SCFD2: variants seen among roughly 807,000 people sequenced by gnomAD.
SCFD2 encodes the protein sec1 family domain-containing protein 2.
SCFD2 carries 54 observed loss-of-function variants against 58.9 expected under a neutral mutation model. The ratio of observed to expected loss-of-function variants is 0.92; its 90% CI spans 0.74 to 1.15. The LOEUF is 1.15. SCFD2 is among the 50% of genes most tolerant of loss of function. The pLI is 0.00. For missense variants in SCFD2, 805 were observed against 836.6 expected (o/e 0.96, Z 0.47); for synonymous variants, 321 against 335.9 (o/e 0.96, Z 0.49).
At chr4:53,128,811 G>A (rs1381826329) in intron 5 of SCFD2, among the ~76,000 whole-genome samples, 1 of 152,140 alleles carries the variant, frequency 6.6e-6, no homozygotes, top group Admixed American at 6.6e-5. Context: ...GTGGTGCACT[G>A]TTTCTATGAT....
At chr4:53,080,732 T>C (rs1490340214) in intron 5 of SCFD2, among the ~76,000 whole-genome samples, 1 of 152,140 alleles carries the variant, frequency 6.6e-6, no homozygotes, top group Non-Finnish European at 1.5e-5. Context: ...AATTAGGAGA[T>C]ATGTCAACAA....
At chr4:53,134,048 T>C (rs1725867247) in intron 5 of SCFD2, among the ~76,000 whole-genome samples, 1 of 152,210 alleles carries the variant, frequency 6.6e-6, no homozygotes, top group Non-Finnish European at 1.5e-5. Flanking sequence ...TGGATGAACC[T>C]TGAGGACATT....
chr4:53,362,120 AG>A (rs1231026125), intron 1 of SCFD2, among the ~76,000 whole-genome samples: 2 of 152,144 alleles, frequency 1.3e-5, no homozygotes, highest in Non-Finnish European at 2.9e-5. Flanking sequence ...AAGCCAGGTA[AG>A]GGTAAGAGAG....
intron 4 of SCFD2, among the ~76,000 whole-genome samples, chr4:53,229,804 CA>C: frequency 6.6e-6 from 1 of 152,118 alleles, no homozygotes; most frequent in East Asian, 1.9e-4. Flanking sequence ...TTCTGCGCAG[CA>C]AAAGAAACTA....
chr4:53,079,880 T>C (rs1245230414), intron 5 of SCFD2, among the ~76,000 whole-genome samples: 3 of 152,208 alleles, frequency 2.0e-5, no homozygotes, highest in African/African-American at 7.2e-5. Context: ...ATATGGCATA[T>C]ACAGATACAT....
chr4:53,142,769 G>A (rs1469055066), intron 5 of SCFD2, among the ~76,000 whole-genome samples: 1 of 152,144 alleles, frequency 6.6e-6, no homozygotes, highest in Non-Finnish European at 1.5e-5. Flanking sequence ...AACATACTTA[G>A]TAAGAGGTAT....
At chr4:53,030,472 G>C (rs899746746) in intron 5 of SCFD2, among the ~76,000 whole-genome samples, 1 of 151,976 alleles carries the variant, frequency 6.6e-6, no homozygotes, top group East Asian at 1.9e-4. Context: ...ACCCAGGCTG[G>C]AGTGCAGTGG....
In SCFD2 at chr4:53,106,383, C is replaced by T. The variant is rs113643932; in HGVS notation, c.1561+38950G>A. ...GACGGAGTATGAGTTTGACGAATTG[C>T]CAGAAGTAGGCTTCAGAAGGTGGGT... On this transcript the variant is annotated intron_variant, in intron 5 of 8. Transcript: ENST00000401642. Among the ~76,000 whole-genome samples, 476 of 152,142 alleles carry T rather than the reference C, an allele frequency of 3.1e-3. 1 individual carries two copies. The highest frequency in any genetic ancestry group is 0.011 in the African/African-American group (442 of 41,506).
intron 5 of SCFD2, among the ~76,000 whole-genome samples, chr4:53,063,437 C>A (rs1420135889): frequency 6.6e-6 from 1 of 152,044 alleles, no homozygotes; most frequent in African/African-American, 2.4e-5. Flanking sequence ...TAATAATTCC[C>A]ATTTTAAAAG....
intron 4 of SCFD2, among the ~76,000 whole-genome samples, chr4:53,266,110 G>A (rs982380163): frequency 1.3e-5 from 2 of 152,010 alleles, no homozygotes; most frequent in African/African-American, 4.8e-5. Context: ...CAGAAAAAGT[G>A]GGCTTTAAAT....
At chr4:53,275,026 G>A (rs1731285149) in intron 3 of SCFD2, among the ~76,000 whole-genome samples, 1 of 152,170 alleles carries the variant, frequency 6.6e-6, no homozygotes, top group Admixed American at 6.6e-5. Flanking sequence ...ATTTGGCAAT[G>A]AAACCACCTG....
At chr4:53,122,792 G>C (rs143377842) in intron 5 of SCFD2, among the ~76,000 whole-genome samples, 1 of 152,100 alleles carries the variant, frequency 6.6e-6, no homozygotes, top group African/African-American at 2.4e-5. Context: ...GGGAAAGTAC[G>C]CAAGGCATTT....
At chr4:53,328,009 C>A (rs1045527747) in intron 2 of SCFD2, among the ~76,000 whole-genome samples, 5 of 152,014 alleles carry the variant, frequency 3.3e-5, no homozygotes, top group African/African-American at 1.2e-4. Context: ...GTGGCATGTG[C>A]CTGTAGTCCC....
intron 3 of SCFD2, among the ~76,000 whole-genome samples, chr4:53,298,055 G>A (rs1178588535): frequency 6.6e-6 from 1 of 152,154 alleles, no homozygotes; most frequent in Non-Finnish European, 1.5e-5. Flanking sequence ...ATTTCCAACT[G>A]AGGTACCGGG....
chr4:53,326,589 G>A (rs1199141499), intron 2 of SCFD2, among the ~76,000 whole-genome samples: 1 of 151,898 alleles, frequency 6.6e-6, no homozygotes, highest in Non-Finnish European at 1.5e-5. Flanking sequence ...CAGAAATAAG[G>A]CAAGGAGAGT....
intron 7 of SCFD2, among the ~76,000 whole-genome samples, chr4:52,905,933 G>A (rs1342949817): frequency 6.6e-6 from 1 of 152,150 alleles, no homozygotes; most frequent in Non-Finnish European, 1.5e-5. Flanking sequence ...ATTCTCCTCA[G>A]GAAGGATTGT....
chr4:53,034,214 C>A (rs975402961), intron 5 of SCFD2, among the ~76,000 whole-genome samples: 13 of 151,888 alleles, frequency 8.6e-5, no homozygotes, highest in Admixed American at 2.6e-4. Flanking sequence ...ACCAATCACA[C>A]AATCACTATA....
intron 5 of SCFD2, among the ~76,000 whole-genome samples, chr4:52,997,370 TA>T (rs1721763898): frequency 1.3e-5 from 2 of 152,254 alleles, no homozygotes; most frequent in African/African-American, 4.8e-5. Context: ...GCCCTGGTGT[TA>T]GGGGCAACTG....
At chr4:53,261,349 C>T (rs1272889310) in intron 4 of SCFD2, among the ~76,000 whole-genome samples, 3 of 152,056 alleles carry the variant, frequency 2.0e-5, no homozygotes, top group Non-Finnish European at 4.4e-5. Context: ...CTCTTTCAGA[C>T]TTTTTGATGT....
Sources: allele counts gnomAD v4.1 joint callset (sites outside exome capture counted in the v4.1 genomes callset), GRCh38; gene constraint gnomAD v4.1.1; transcripts MANE v1.5; gene names NCBI Gene and HGNC (gene_info 2026-07-23, HGNC 2026-07-21).